HIVEP1: variants seen among roughly 807,000 people sequenced by gnomAD.
HIVEP1 encodes zinc finger protein 40.
Under a neutral mutation model 180.0 loss-of-function variants are expected in HIVEP1, and 36 were observed. That is an observed-to-expected ratio of 0.20 (90% CI 0.15 to 0.26). The LOEUF (loss-of-function observed/expected upper bound fraction) is 0.26. Ranked by LOEUF, HIVEP1 falls within the 10% of genes least tolerant of loss-of-function variation. The probability of loss-of-function intolerance (pLI) is 1.00; values close to 1 mark genes in which losing one functional copy is unlikely to be tolerated. For missense variants in HIVEP1, 3,143 were observed against 3,268.7 expected, an observed-to-expected ratio of 0.96 and a Z score of 0.94; for synonymous variants, 1,239 against 1,239.0, an observed-to-expected ratio of 1.00 and a Z score of 0.00.
At chr6:12,015,797 A>G (rs1213651417) in intron 2 of HIVEP1, 129 bp downstream of exon 2, 9 of 741,252 alleles carry the variant, frequency 1.2e-5, no homozygotes, top group Non-Finnish European at 2.1e-5. Context: ...TCTCTTGCTC[A>G]TTTCCAGCAG....
intron 7 of HIVEP1, among the ~76,000 whole-genome samples, chr6:12,151,925 G>A (rs1212640961): frequency 6.6e-6 from 1 of 152,174 alleles, no homozygotes; most frequent in Non-Finnish European, 1.5e-5. Context: ...GGAGGCCGAG[G>A]CGGGTGGATC....
rs1431697037 is a variant in HIVEP1 at position 12,121,812 on chromosome 6, T to G, written c.2017T>G (p.Ser673Ala). The G allele has an allele frequency of 2.5e-6, 4 of 1,614,186 alleles. No individual in the cohort carries two copies. Among genetic ancestry groups the G allele is most frequent in the Non-Finnish European group, 3.4e-6 (4 of 1,180,032 alleles). ...TCCTCGAAGTTTAGGAAGTACGGATTCTGGTTACTTTTCACGTTCTGAAAG... is the reference window on the plus strand; with the variant it reads ...TCCTCGAAGTTTAGGAAGTACGGATGCTGGTTACTTTTCACGTTCTGAAAG... ...LSPRSLGSTD[S>A]GYFSRSESAD... Residue 673 changes from serine to alanine, a missense_variant, in exon 4 of 9, where the codon TCT becomes GCT. This residue lies in a region of HIVEP1 where 365 missense variants were observed against 344.4 expected (regional missense o/e 1.06). Coordinates refer to ENST00000379388, the MANE Select transcript of HIVEP1 (RefSeq NM_002114.4). This position sits in a 1 kb window ranked among gnomAD's most constrained non-coding sequence, Gnocchi z 5.3.
upstream of HIVEP1, chr6:12,008,669 T>TG (rs1347844941): frequency 2.6e-5 from 4 of 152,012 alleles, no homozygotes; most frequent in African/African-American, 9.7e-5. Flanking sequence ...TAGAAACCGA[T>TG]GGAGGCGGTG....
intron 7 of HIVEP1, among the ~76,000 whole-genome samples, chr6:12,152,399 C>T (rs923878088): frequency 6.6e-6 from 1 of 151,422 alleles, no homozygotes; most frequent in Non-Finnish European, 1.5e-5. Flanking sequence ...CAGCAGTAGT[C>T]TTGTTTAGGG....
rs191976032 is a variant in HIVEP1, at chr6:12,030,446, G to A, written c.40+14778G>A. ...TTTGTTGTTCCACAGGTCTCTGAGG[G>A]TCTGTTAATATCTCTTTAATTTTTT... On this transcript the variant is annotated intron_variant, in intron 2 of 8. Coordinates refer to ENST00000379388, the MANE Select transcript of HIVEP1 (RefSeq NM_002114.4). Among the ~76,000 whole-genome samples, 12 of 152,146 alleles carry A rather than the reference G, an allele frequency of 7.9e-5. No homozygotes were observed. In the East Asian group the frequency reaches 2.3e-3, roughly 29 times the overall value.
chr6:12,020,439 C>T (rs1035311427), intron 2 of HIVEP1: 2 of 470,960 alleles, frequency 4.2e-6, no homozygotes, highest in African/African-American at 2.0e-5. Flanking sequence ...AGCAGGGCAG[C>T]GCTGTGTCTC....
In HIVEP1 at chr6:12,164,410, C is replaced by G; in HGVS notation, c.8106C>G (p.Phe2702Leu). The change falls in exon 9 of 9, where the codon TTC becomes TTG. Residue 2702 changes from phenylalanine to leucine, a missense_variant. By Grantham distance (22) the Phe-to-Leu change is conservative. This residue lies in a region of HIVEP1 where 595 missense variants were observed against 602.2 expected (regional missense o/e 0.99). Coordinates refer to ENST00000379388, the MANE Select transcript of HIVEP1 (RefSeq NM_002114.4). Reference sequence around the variant, plus strand: ...CGCGGAGGCAGCCCACTGTGCACTTCAGCGACGTGAGCAGCGATGATGACG... The same window carrying G: ...CGCGGAGGCAGCCCACTGTGCACTTGAGCGACGTGAGCAGCGATGATGACG... ...ALPRRQPTVH[F>L]SDVSSDDDED... 6.2e-7 allele frequency: 1 copy of G among 1,614,010 alleles called. No homozygotes were observed. Among genetic ancestry groups the G allele is most frequent in the Non-Finnish European group, 8.5e-7 (1 of 1,180,000 alleles).
In HIVEP1 at chr6:12,125,755, C is replaced by T; in HGVS notation, c.5960C>T (p.Ala1987Val). Residue 1987 changes from alanine to valine, a missense_variant, in exon 4 of 9, where the codon GCT becomes GTT. Around this residue, in one of 12 missense-constraint regions of HIVEP1, gnomAD observed 1,357 missense variants for 1,260.5 expected, o/e 1.08. Coordinates refer to ENST00000379388, the MANE Select transcript of HIVEP1 (RefSeq NM_002114.4). ...GGTTTGCCCACAAAAGTTGCACTTG[C>T]TCTCCTTAATTCAAAACAGAACACT... ...PLGLPTKVAL[A>V]LLNSKQNTGK... The T allele has an allele frequency of 6.2e-7, 1 of 1,614,054 alleles. No homozygotes were observed. The highest frequency in any genetic ancestry group is 8.5e-7 in the Non-Finnish European group (1 of 1,179,900).
chr6:12,152,656 C>G lies in HIVEP1; in HGVS notation c.6488-8783C>G, dbSNP rs561953874. Among the ~76,000 whole-genome samples, 5 of 152,274 alleles carry G rather than the reference C, an allele frequency of 3.3e-5. No individual in the cohort carries two copies. The South Asian group carries it at 1.0e-3, about 32-fold the overall frequency. On this transcript the variant is annotated intron_variant, in intron 7 of 8. Transcript: ENST00000379388. ...CAGGTTTTTAAACTTTGACAGTGGT[C>G]TCCTCTAGCAGAGATTTCAGATACT...
Position 12,122,072 on chromosome 6 carries a change from A to C in HIVEP1, c.2277A>C (p.Val759=). 1 of 1,614,206 alleles carries C rather than the reference A, an allele frequency of 6.2e-7. No homozygotes were observed. Among genetic ancestry groups the C allele is most frequent in the Non-Finnish European group, 8.5e-7 (1 of 1,180,022 alleles). Residue 759 remains valine (V), a synonymous_variant, in exon 4 of 9, where the codon GTA becomes GTC. Transcript: ENST00000379388. ...TTATCTCAGACAATGAAGCTTTGGT[A>C]GATGACAAGCAACTGGATAGTGTGA... is the stretch of plus-strand genomic sequence containing the variant. The part of the protein sequence containing the change: ...SKLISDNEAL[V]DDKQLDSVKP...
At chr6:12,148,339 C>T (rs775855630) in intron 7 of HIVEP1, among the ~76,000 whole-genome samples, 2 of 152,192 alleles carry the variant, frequency 1.3e-5, no homozygotes, top group Non-Finnish European at 2.9e-5. Context: ...GGGATACCTG[C>T]CCCTCTTGGG....
chr6:12,135,203 ATC>A (rs1758639586), intron 6 of HIVEP1, among the ~76,000 whole-genome samples: 1 of 152,180 alleles, frequency 6.6e-6, no homozygotes, highest in Non-Finnish European at 1.5e-5. Flanking sequence ...AAAACCCTAT[ATC>A]TATACCATGC....
At chr6:12,118,917 G>A (rs1406605607) in intron 3 of HIVEP1, among the ~76,000 whole-genome samples, 1 of 152,102 alleles carries the variant, frequency 6.6e-6, no homozygotes, top group Non-Finnish European at 1.5e-5. Context: ...TGAAAAGTTT[G>A]TTTTAAAAGA....
intron 3 of HIVEP1, among the ~76,000 whole-genome samples, chr6:12,113,233 G>T (rs1027115166): frequency 9.3e-5 from 14 of 150,738 alleles, no homozygotes; most frequent in Non-Finnish European, 8.9e-5. Context: ...AGAAGGGTGG[G>T]GTGGGCAGGA....
intron 1 of HIVEP1, among the ~76,000 whole-genome samples, chr6:12,013,995 G>T (rs774554699): frequency 1.3e-5 from 2 of 152,200 alleles, no homozygotes; most frequent in Non-Finnish European, 2.9e-5. Flanking sequence ...TGGGATGTTA[G>T]ACACATTCCT....
At chr6:12,198,832 A>T in the HIVEP1 span, among the ~76,000 whole-genome samples, 1 of 152,096 alleles carries the variant, frequency 6.6e-6, no homozygotes. Flanking sequence ...AATCTCATCT[A>T]AAAAAAATAC....
chr6:12,137,043 A>G lies in HIVEP1; in HGVS notation c.6487+1151A>G, dbSNP rs1758744235. 2.0e-5 allele frequency among the ~76,000 whole-genome samples: 3 copies of G among 152,226 alleles called. No individual in the cohort carries two copies. The South Asian group carries it at 6.2e-4, about 31-fold the overall frequency. The stretch of plus-strand genomic sequence containing the variant: ...CATTGAATATATAGGTAAAAATTCA[A>G]AGGCATTTAATCCCTGTAACACACG... On this transcript the variant is annotated intron_variant, in intron 7 of 8. Transcript: ENST00000379388.
chr6:12,018,264 T>G (rs1184787611), intron 2 of HIVEP1, among the ~76,000 whole-genome samples: 1 of 152,206 alleles, frequency 6.6e-6, no homozygotes, highest in African/African-American at 2.4e-5. Flanking sequence ...TGCCCGCGCT[T>G]CTTCCTCCAC....
downstream of HIVEP1, among the ~76,000 whole-genome samples, chr6:12,169,895 C>T (rs915335312): frequency 3.3e-5 from 5 of 152,104 alleles, no homozygotes; most frequent in South Asian, 4.1e-4. Flanking sequence ...CCAAGGTGGG[C>T]AGATCATGAG....
Sources: allele counts gnomAD v4.1 joint callset (sites outside exome capture counted in the v4.1 genomes callset), GRCh38; gene constraint gnomAD v4.1.1; regional missense constraint gnomAD v4.1.1; non-coding constraint Gnocchi (gnomAD v3.1); transcripts MANE v1.5; gene names NCBI Gene and HGNC (gene_info 2026-07-23, HGNC 2026-07-21).